Variants in ACCSL observed in about 807,000 individuals in gnomAD.
ACCSL encodes the protein 1-aminocyclopropane-1-carboxylate synthase homolog (inactive) like.
Under a neutral mutation model 61.7 loss-of-function variants are expected in ACCSL, and 55 were observed. The observed-to-expected ratio is 0.89, with a 90% CI of 0.72 to 1.12. The LOEUF (loss-of-function observed/expected upper bound fraction) is 1.12. ACCSL is among the 50% of genes most tolerant of loss of function. The pLI, the probability that ACCSL is intolerant of heterozygous loss-of-function variation, is 0.00. For synonymous variants in ACCSL, 258 were observed against 264.3 expected, an observed-to-expected ratio of 0.98 and a Z score of 0.23; for missense variants, 632 against 698.0, an observed-to-expected ratio of 0.91 and a Z score of 1.07.
chr11:44,053,384 G>T (rs1161431828), intron 7 of ACCSL, 22 bp from the exon 8 acceptor site: 1 of 1,607,474 alleles, frequency 6.2e-7, no homozygotes, highest in African/African-American at 1.3e-5. Flanking sequence ...TATTCACTCA[G>T]TTATATTTGG....
At chr11:44,011,533 G>A in the ACCSL span, among the ~76,000 whole-genome samples, 8 of 152,218 alleles carry the variant, frequency 5.3e-5, no homozygotes, top group South Asian at 2.1e-4. Flanking sequence ...ACACTTACTC[G>A]GTCTCCCTAT....
the ACCSL span, among the ~76,000 whole-genome samples, chr11:43,957,460 G>A: frequency 2.0e-5 from 3 of 152,104 alleles, no homozygotes; most frequent in African/African-American, 7.2e-5. Context: ...TGCTTATGAT[G>A]TAGATGAATC....
At chr11:43,935,824 GC>G in the ACCSL span, among the ~76,000 whole-genome samples, 1 of 152,046 alleles carries the variant, frequency 6.6e-6, no homozygotes, top group African/African-American at 2.4e-5. Context: ...TTCCTCTGTA[GC>G]CCCAGAGCTA....
chr11:43,957,512 T>C, the ACCSL span, among the ~76,000 whole-genome samples: 3 of 152,242 alleles, frequency 2.0e-5, no homozygotes, highest in South Asian at 2.1e-4. Context: ...GGTAAATGCC[T>C]CTTATCAGAC....
At chr11:44,053,948 C>T (rs773920590) in intron 8 of ACCSL, among the ~76,000 whole-genome samples, 3 of 152,186 alleles carry the variant, frequency 2.0e-5, no homozygotes, top group South Asian at 2.1e-4. Flanking sequence ...TGAAGGAAAA[C>T]GCAATCACAT....
the ACCSL span, among the ~76,000 whole-genome samples, chr11:44,017,970 A>G: frequency 3.9e-5 from 6 of 152,082 alleles, no homozygotes; most frequent in Non-Finnish European, 8.8e-5. Context: ...ATAAATCATA[A>G]ATTTGGATGG....
At chr11:44,016,508 T>C in the ACCSL span, among the ~76,000 whole-genome samples, 1 of 152,156 alleles carries the variant, frequency 6.6e-6, no homozygotes, top group Non-Finnish European at 1.5e-5. Context: ...GAGGTTTTTT[T>C]GGGGAAACAA....
the ACCSL span, among the ~76,000 whole-genome samples, chr11:43,996,522 A>AC: frequency 6.6e-6 from 1 of 152,110 alleles, no homozygotes; most frequent in Non-Finnish European, 1.5e-5. Flanking sequence ...TCAAGGATGA[A>AC]CCCTAGGACA....
intron 5 of ACCSL, 129 bp downstream of exon 5, chr11:44,051,848 C>T: frequency 9.8e-7 from 1 of 1,020,118 alleles, no homozygotes; most frequent in Non-Finnish European, 1.5e-6. Context: ...GGTGGGCCTT[C>T]TCCCACACTG....
At chr11:44,008,905 G>C in the ACCSL span, among the ~76,000 whole-genome samples, 1 of 152,228 alleles carries the variant, frequency 6.6e-6, no homozygotes, top group Non-Finnish European at 1.5e-5. Context: ...AAATGTCAGA[G>C]CCTGTGATCC....
At chr11:43,972,144 C>A in the ACCSL span, among the ~76,000 whole-genome samples, 1 of 152,182 alleles carries the variant, frequency 6.6e-6, no homozygotes, top group Admixed American at 6.5e-5. Flanking sequence ...CTCCTCCATT[C>A]CTACATTGAC....
At chr11:44,046,002 G>C (rs868060847), upstream of ACCSL, among the ~76,000 whole-genome samples, 1 of 152,190 alleles carries the variant, frequency 6.6e-6, no homozygotes, top group South Asian at 2.1e-4. Context: ...GGACCAACAG[G>C]GATGATAGGC....
At chr11:44,038,096 T>G in the ACCSL span, among the ~76,000 whole-genome samples, 1 of 152,124 alleles carries the variant, frequency 6.6e-6, no homozygotes, top group Non-Finnish European at 1.5e-5. Context: ...TTATATAGTA[T>G]GCTTGAAGGG....
the ACCSL span, among the ~76,000 whole-genome samples, chr11:43,951,562 A>G: frequency 2.0e-5 from 3 of 149,560 alleles, no homozygotes; most frequent in Non-Finnish European, 2.9e-5. Context: ...TATTTGAGGG[A>G]ATTTGATTGC....
the ACCSL span, among the ~76,000 whole-genome samples, chr11:43,980,400 A>G: frequency 2.0e-5 from 3 of 152,166 alleles, no homozygotes; most frequent in Admixed American, 6.5e-5. Flanking sequence ...TCAGCTGTCT[A>G]TTTTTGCTGC....
intron 9 of ACCSL, 58 bp downstream of exon 9, chr11:44,055,349 G>A: frequency 7.3e-7 from 1 of 1,365,846 alleles, no homozygotes; most frequent in Middle Eastern, 1.8e-4. Context: ...GTTTTGCAGG[G>A]TGAGTTTATG....
intron 3 of ACCSL, among the ~76,000 whole-genome samples, 198 bp from the exon 4 acceptor site, chr11:44,051,137 G>A (rs957974419): frequency 3.3e-5 from 5 of 152,150 alleles, no homozygotes; most frequent in Non-Finnish European, 5.9e-5. Flanking sequence ...CACTGTGCCC[G>A]GCCAAGGCCT....
At chr11:43,959,650 A>G in the ACCSL span, among the ~76,000 whole-genome samples, 1 of 152,144 alleles carries the variant, frequency 6.6e-6, no homozygotes, top group Non-Finnish European at 1.5e-5. Context: ...CTTGCTTTCA[A>G]CAAACAATTT....
the ACCSL span, among the ~76,000 whole-genome samples, chr11:43,937,975 C>T: frequency 0.96 from 146,240 of 152,208 alleles, 70,513 homozygotes; most frequent in East Asian, 1. Flanking sequence ...TTCTGGCCAG[C>T]GTGAGGGGAA....
Sources: allele counts gnomAD v4.1 joint callset (sites outside exome capture counted in the v4.1 genomes callset), GRCh38; gene constraint gnomAD v4.1.1; transcripts MANE v1.5; gene names NCBI Gene and HGNC (gene_info 2026-07-23, HGNC 2026-07-21).